EVA1A: variants seen among roughly 807,000 people sequenced by gnomAD.
The protein encoded by EVA1A is protein eva-1 homolog A.
EVA1A carries 7 observed loss-of-function variants against 9.8 expected under a neutral mutation model. The observed-to-expected ratio is 0.71, with a 90% CI of 0.41 to 1.34. The LOEUF (loss-of-function observed/expected upper bound fraction) is 1.34. EVA1A is among the 40% of genes most tolerant of loss of function. The pLI is 0.01. For missense variants in EVA1A, 206 were observed against 205.9 expected, an observed-to-expected ratio of 1.00 and a Z score of 0.00; for synonymous variants, 90 against 85.6, an observed-to-expected ratio of 1.05 and a Z score of -0.28.
chr2:75,552,847 C>T (rs1047022317), intron 1 of EVA1A, among the ~76,000 whole-genome samples: 3 of 152,162 alleles, frequency 2.0e-5, no homozygotes, highest in African/African-American at 7.2e-5. Context: ...TTTTTCATCC[C>T]CTAAACTGCA....
chr2:75,564,679 T>A (rs10172643), upstream of EVA1A, among the ~76,000 whole-genome samples: 2 of 152,212 alleles, frequency 1.3e-5, no homozygotes, highest in Admixed American at 1.3e-4. Context: ...GATAGGAGGA[T>A]CGTGTTCCAC....
chr2:75,498,788 G>T (rs1349033923), intron 3 of EVA1A, among the ~76,000 whole-genome samples: 2 of 140,966 alleles, frequency 1.4e-5, no homozygotes, highest in Non-Finnish European at 3.0e-5. Context: ...ATTTAAATTT[G>T]CACCACACAC....
At chr2:75,526,850 G>T (rs1160323371) in intron 1 of EVA1A, among the ~76,000 whole-genome samples, 2 of 152,218 alleles carry the variant, frequency 1.3e-5, no homozygotes, top group Admixed American at 1.3e-4. Context: ...GACATGGTCA[G>T]TTCTGCCTTG....
At chr2:75,513,266 G>T (rs2103828858) in intron 3 of EVA1A, among the ~76,000 whole-genome samples, 1 of 152,058 alleles carries the variant, frequency 6.6e-6, no homozygotes, top group East Asian at 1.9e-4. Context: ...TTTATTTTTT[G>T]TGTGGTAAAA....
chr2:75,569,571 C>T (rs1346405274), exon 1 of EVA1A: 1 of 152,212 alleles, frequency 6.6e-6, no homozygotes, highest in African/African-American at 2.4e-5. Flanking sequence ...AGGGGTTGCC[C>T]ACCTCTTACA....
chr2:75,540,005 T>C (rs757594872), intron 1 of EVA1A, among the ~76,000 whole-genome samples: 1 of 152,080 alleles, frequency 6.6e-6, no homozygotes, highest in Non-Finnish European at 1.5e-5. Flanking sequence ...GCAGGGATGA[T>C]TTAAGAAGGG....
chr2:75,535,943 TA>T (rs941105849), intron 1 of EVA1A, among the ~76,000 whole-genome samples: 17 of 152,012 alleles, frequency 1.1e-4, no homozygotes, highest in African/African-American at 3.6e-4. Flanking sequence ...AAAATGTTTT[TA>T]AAAAAAACCA....
chr2:75,554,014 C>T (rs965708028), intron 1 of EVA1A, among the ~76,000 whole-genome samples: 1 of 152,160 alleles, frequency 6.6e-6, no homozygotes, highest in South Asian at 2.1e-4. Flanking sequence ...AGGCCCTACC[C>T]GTCTCCTCCC....
intron 3 of EVA1A, among the ~76,000 whole-genome samples, chr2:75,500,139 T>A (rs1674360240): frequency 6.6e-6 from 1 of 152,012 alleles, no homozygotes; most frequent in Admixed American, 6.5e-5. Flanking sequence ...CCAAGCAAAA[T>A]AACTGTTCCA....
chr2:75,493,401 C>A lies in EVA1A; in HGVS notation c.294G>T (p.Arg98=). 6.2e-7 allele frequency: 1 copy of A among 1,614,258 alleles called. No individual in the cohort carries two copies. Among genetic ancestry groups the A allele is most frequent in the Non-Finnish European group, 8.5e-7 (1 of 1,180,048 alleles). The change falls in exon 4 of 4, where the codon CGG becomes CGT. Residue 98 remains arginine (R), a synonymous_variant. Transcript: ENST00000393913. Reference sequence around the variant, plus strand: ...AAGTCCTCTCGAAGCGGCGGTGTCTCCGCACGGAGAGATCGGACACGGTGT... The same window carrying A: ...AAGTCCTCTCGAAGCGGCGGTGTCTACGCACGGAGAGATCGGACACGGTGT... ...SEDTVSDLSV[R]RHRRFERTLN...
chr2:75,534,540 GAAGACAA>G (rs1238250442), intron 1 of EVA1A, among the ~76,000 whole-genome samples: 2 of 148,994 alleles, frequency 1.3e-5, no homozygotes, highest in African/African-American at 5.0e-5. Context: ...ACAAAAAGCA[GAAGACAA>G]AAGACAAAAT....
At chr2:75,555,276 A>C (rs1676663143) in intron 1 of EVA1A, among the ~76,000 whole-genome samples, 1 of 123,642 alleles carries the variant, frequency 8.1e-6, no homozygotes, top group South Asian at 2.6e-4. Flanking sequence ...ATTTTATGTG[A>C]AACAGACTTT....
intron 1 of EVA1A, among the ~76,000 whole-genome samples, chr2:75,549,400 G>T (rs1676450763): frequency 6.6e-6 from 1 of 152,150 alleles, no homozygotes; most frequent in African/African-American, 2.4e-5. Context: ...CTGAGGAAAA[G>T]TGGGGCAAAA....
At chr2:75,516,823 T>C (rs1418454802) in intron 3 of EVA1A, among the ~76,000 whole-genome samples, 4 of 152,218 alleles carry the variant, frequency 2.6e-5, no homozygotes, top group African/African-American at 9.6e-5. Flanking sequence ...GTGAAAACGA[T>C]GTCTGAATTT....
At position 75,518,198 on chromosome 2, in the gene EVA1A, C is replaced by T; in HGVS notation, c.-58G>A. 2.5e-6 allele frequency: 4 copies of T among 1,594,638 alleles called. No homozygotes were observed. Among genetic ancestry groups the T allele is most frequent in the Non-Finnish European group, 3.4e-6 (4 of 1,172,416 alleles). On this transcript the variant is annotated 5_prime_UTR_variant, in exon 3 of 4. Transcript: ENST00000393913. ...TGGCTGAATCAACGTGGCCACTCTC[C>T]TTCTTCTCTTCTGTTTGGGAACATA... is the stretch of plus-strand genomic sequence containing the variant.
At position 75,543,338 on chromosome 2, in the gene EVA1A, T is replaced by A. The variant is rs148727117; in HGVS notation, c.-192+17342A>T. ...GGAGACATCTACAAATATGTAGAAC[T>A]CGCAGAAGTAACGCCTGACCAAGGA... On this transcript the variant is annotated intron_variant, in intron 1 of 3. Coordinates refer to ENST00000393913, the MANE Select transcript of EVA1A (RefSeq NM_001135032.2). 3.6e-3 allele frequency among the ~76,000 whole-genome samples: 550 copies of A among 152,256 alleles called. 5 individuals are homozygous for A. Among genetic ancestry groups the A allele is most frequent in the African/African-American group, 0.013 (531 of 41,552 alleles).
chr2:75,559,522 G>A (rs944538757), intron 1 of EVA1A, among the ~76,000 whole-genome samples: 2 of 152,182 alleles, frequency 1.3e-5, no homozygotes, highest in African/African-American at 4.8e-5. Flanking sequence ...TACACATTTC[G>A]TGACAGACTG....
chr2:75,550,301 CAT>C (rs1676476882), intron 1 of EVA1A, among the ~76,000 whole-genome samples: 1 of 152,184 alleles, frequency 6.6e-6, no homozygotes. Flanking sequence ...TGTCTCCTCT[CAT>C]ATATTTGCCT....
rs1396288816 is a variant in EVA1A at position 75,513,394 on chromosome 2, G to C, written c.85+4662C>G. 4.6e-5 allele frequency among the ~76,000 whole-genome samples: 7 copies of C among 152,174 alleles called. No homozygotes were observed. In the East Asian group the frequency reaches 1.3e-3, roughly 29 times the overall value. On this transcript the variant is annotated intron_variant, in intron 3 of 3. Transcript: ENST00000393913. ...ATTCATCCCAGAAAACTGCAAGTTT[G>C]TATCTTTGGACATACTTCTCATATC...
Sources: allele counts gnomAD v4.1 joint callset (sites outside exome capture counted in the v4.1 genomes callset), GRCh38; gene constraint gnomAD v4.1.1; transcripts MANE v1.5; gene names NCBI Gene and HGNC (gene_info 2026-07-23, HGNC 2026-07-21).